Variants in CCSER1 observed in about 807,000 individuals in gnomAD.
CCSER1 encodes the protein serine-rich coiled-coil domain-containing protein 1.
Under a neutral mutation model 82.0 loss-of-function variants are expected in CCSER1, and 41 were observed. The ratio of observed to expected loss-of-function variants is 0.50; its 90% CI spans 0.39 to 0.65. CCSER1 has a LOEUF of 0.65. Among genes scored for constraint, CCSER1 ranks in the 30% least tolerant of loss-of-function variants. The pLI, the probability that CCSER1 is intolerant of heterozygous loss-of-function variation, is 0.00. For synonymous variants in CCSER1, 414 were observed against 383.9 expected, an observed-to-expected ratio of 1.08 and a Z score of -0.92; for missense variants, 1,119 against 1,064.2, an observed-to-expected ratio of 1.05 and a Z score of -0.72.
chr4:90,673,187 A>T (rs188653669), intron 6 of CCSER1, among the ~76,000 whole-genome samples: 5 of 152,102 alleles, frequency 3.3e-5, no homozygotes, highest in Admixed American at 3.3e-4. Context: ...ATGAGGTACA[A>T]TTGTATTTAT....
At chr4:90,867,286 A>G (rs946235261) in intron 8 of CCSER1, among the ~76,000 whole-genome samples, 3 of 152,066 alleles carry the variant, frequency 2.0e-5, no homozygotes, top group African/African-American at 7.2e-5. Flanking sequence ...ACAGCTCCAC[A>G]CAGCTTCTCA....
At chr4:90,499,613 T>C (rs1769548883) in intron 5 of CCSER1, among the ~76,000 whole-genome samples, 1 of 152,214 alleles carries the variant, frequency 6.6e-6, no homozygotes. Context: ...TGAGCTTGTA[T>C]GTCTTCATAA....
chr4:91,188,280 A>T (rs940761017), intron 10 of CCSER1, among the ~76,000 whole-genome samples: 1 of 152,156 alleles, frequency 6.6e-6, no homozygotes, highest in Admixed American at 6.5e-5. Flanking sequence ...TTTTCAGGAA[A>T]CATTGTCTAT....
At chr4:91,150,255 T>C (rs1165492509) in intron 10 of CCSER1, among the ~76,000 whole-genome samples, 2 of 152,174 alleles carry the variant, frequency 1.3e-5, no homozygotes, top group African/African-American at 2.4e-5. Flanking sequence ...TGATTGAGAG[T>C]TCACTTATGA....
intron 10 of CCSER1, among the ~76,000 whole-genome samples, chr4:91,195,793 G>A (rs1735357384): frequency 6.6e-6 from 1 of 152,098 alleles, no homozygotes; most frequent in South Asian, 2.1e-4. Flanking sequence ...AGGGCCACAC[G>A]ATCATGCAGT....
At chr4:91,111,914 C>A (rs1726130631) in intron 10 of CCSER1, among the ~76,000 whole-genome samples, 1 of 150,730 alleles carries the variant, frequency 6.6e-6, no homozygotes, top group Non-Finnish European at 1.5e-5. Context: ...GAAAAGCTGT[C>A]CATTTTATAT....
intron 1 of CCSER1, among the ~76,000 whole-genome samples, chr4:90,306,468 CAATT>C (rs1734295322): frequency 6.6e-6 from 1 of 151,926 alleles, no homozygotes; most frequent in Admixed American, 6.6e-5. Flanking sequence ...TGTCATCTGT[CAATT>C]AAAAATAAAA....
intron 10 of CCSER1, among the ~76,000 whole-genome samples, chr4:91,121,966 G>A (rs10011529): frequency 0.52 from 78,456 of 151,094 alleles, 20,650 homozygotes; most frequent in East Asian, 0.68. Flanking sequence ...CATATAAAAA[G>A]TCATTTTGGG....
chr4:90,778,226 A>G (rs915090620), intron 7 of CCSER1, among the ~76,000 whole-genome samples: 1 of 152,150 alleles, frequency 6.6e-6, no homozygotes, highest in Admixed American at 6.5e-5. Context: ...GGACTAACAA[A>G]GCTAATTTGT....
intron 10 of CCSER1, among the ~76,000 whole-genome samples, chr4:91,335,899 G>A (rs1170406982): frequency 2.0e-5 from 3 of 151,958 alleles, no homozygotes; most frequent in Non-Finnish European, 2.9e-5. Context: ...ATACATTTAC[G>A]TTTTAACAAC....
chr4:91,567,579 A>G (rs1382639592), intron 10 of CCSER1, among the ~76,000 whole-genome samples: 1 of 152,136 alleles, frequency 6.6e-6, no homozygotes, highest in Non-Finnish European at 1.5e-5. Flanking sequence ...GTGTGCATAT[A>G]TATTTAATAT....
intron 5 of CCSER1, among the ~76,000 whole-genome samples, chr4:90,612,850 G>A (rs748343081): frequency 4.6e-5 from 7 of 152,066 alleles, no homozygotes; most frequent in Non-Finnish European, 1.0e-4. Flanking sequence ...CATATTAGCT[G>A]GATTAATTAC....
intron 10 of CCSER1, among the ~76,000 whole-genome samples, chr4:91,217,362 A>C (rs1439039555): frequency 6.6e-6 from 1 of 152,154 alleles, no homozygotes; most frequent in East Asian, 1.9e-4. Flanking sequence ...ACAATCCCTG[A>C]GCTAGATACA....
intron 10 of CCSER1, among the ~76,000 whole-genome samples, chr4:91,213,749 A>AAT (rs1167548342): frequency 6.6e-6 from 1 of 152,200 alleles, no homozygotes; most frequent in Non-Finnish European, 1.5e-5. Flanking sequence ...GGGATCCTTT[A>AAT]ATAAAGTCAA....
intron 10 of CCSER1, chr4:91,319,602 G>T (rs1247109524): frequency 2.2e-6 from 1 of 452,656 alleles, no homozygotes. Flanking sequence ...GCAATAGTTG[G>T]TGCAGAATTG....
intron 10 of CCSER1, among the ~76,000 whole-genome samples, chr4:91,143,936 C>CT (rs978090185): frequency 2.6e-5 from 4 of 151,852 alleles, no homozygotes; most frequent in African/African-American, 9.7e-5. Flanking sequence ...CTATAGTTTC[C>CT]TTTTTTTATT....
rs542126386 is a variant in CCSER1, at chr4:90,621,153, T to G, written c.1725-6872T>G. ...TTTTACAGCTGACTCTCCTCTCTTT[T>G]GTGGGATACACCAATCATTCCAGGC... On this transcript the variant is annotated intron_variant, in intron 5 of 10. Coordinates refer to ENST00000509176, the MANE Select transcript of CCSER1 (RefSeq NM_001145065.2). Among the ~76,000 whole-genome samples, 3 of 152,220 alleles carry G rather than the reference T, an allele frequency of 2.0e-5. No individual in the cohort carries two copies. The South Asian group carries it at 6.2e-4, about 32-fold the overall frequency.
intron 5 of CCSER1, among the ~76,000 whole-genome samples, chr4:90,495,926 A>T (rs1768923912): frequency 6.6e-6 from 1 of 152,242 alleles, no homozygotes; most frequent in Non-Finnish European, 1.5e-5. Flanking sequence ...AGACATTAAA[A>T]TGAATTAAAG....
chr4:90,605,258 C>A (rs1220577970), intron 5 of CCSER1, among the ~76,000 whole-genome samples: 1 of 152,194 alleles, frequency 6.6e-6, no homozygotes, highest in South Asian at 2.1e-4. Context: ...CAGCTTCATT[C>A]TTGAAGTCAG....
Sources: allele counts gnomAD v4.1 joint callset (sites outside exome capture counted in the v4.1 genomes callset), GRCh38; gene constraint gnomAD v4.1.1; transcripts MANE v1.5; gene names NCBI Gene and HGNC (gene_info 2026-07-23, HGNC 2026-07-21).